The following VPS13B variants were observed in gnomAD, a reference collection of about 807,000 sequenced individuals.
The protein encoded by VPS13B is vacuolar protein sorting 13 homolog B.
Under a neutral mutation model 426.4 loss-of-function variants are expected in VPS13B, and 285 were observed. The observed-to-expected ratio is 0.67, with a 90% CI of 0.61 to 0.74. The LOEUF is 0.74. Among genes scored for constraint, VPS13B ranks in the 30% least tolerant of loss-of-function variants. The probability of loss-of-function intolerance (pLI) is 0.00; values close to 1 mark genes in which losing one functional copy is unlikely to be tolerated. For missense variants in VPS13B, 4,537 were observed against 4,782.6 expected, an observed-to-expected ratio of 0.95 and a Z score of 1.51; for synonymous variants, 1,676 against 1,676.4, an observed-to-expected ratio of 1.00 and a Z score of 0.01.
chr8:99,384,337 T>G lies in VPS13B; in HGVS notation c.2934+20T>G. On this transcript the variant is annotated intron_variant, in intron 20 of 61. Coordinates refer to ENST00000357162, the MANE Select transcript of VPS13B (RefSeq NM_152564.5). Reference sequence around the variant, plus strand: ...CAACAGGTAAGAGATTTTTAAATAATTTTTTCTGTTAACAAATATTTTTCT... The same window carrying G: ...CAACAGGTAAGAGATTTTTAAATAAGTTTTTCTGTTAACAAATATTTTTCT... The G allele has an allele frequency of 6.3e-7, 1 of 1,583,950 alleles. No individual in the cohort carries two copies. The highest frequency in any genetic ancestry group is 8.7e-7 in the Non-Finnish European group (1 of 1,153,676).
chr8:99,089,272 A>G (rs747437788), intron 3 of VPS13B, among the ~76,000 whole-genome samples: 5 of 152,112 alleles, frequency 3.3e-5, no homozygotes, highest in East Asian at 1.9e-4. Flanking sequence ...AAGTGTTACA[A>G]TGTTTTTTCT....
intron 19 of VPS13B, among the ~76,000 whole-genome samples, chr8:99,326,698 C>T (rs887342753): frequency 6.6e-6 from 1 of 151,716 alleles, no homozygotes; most frequent in African/African-American, 2.4e-5. Flanking sequence ...CATGCCCAGC[C>T]ATCCCTGCAT....
chr8:99,420,479 C>A (rs1043786452), intron 21 of VPS13B, among the ~76,000 whole-genome samples: 1 of 152,096 alleles, frequency 6.6e-6, no homozygotes, highest in African/African-American at 2.4e-5. Flanking sequence ...AATATAGATG[C>A]AAAACAGTAA....
rs761289076 is a variant in VPS13B at position 99,163,531 on chromosome 8, C to T, written c.2209-6508C>T. On this transcript the variant is annotated intron_variant, in intron 15 of 61. Coordinates refer to ENST00000357162, the MANE Select transcript of VPS13B (RefSeq NM_152564.5). ...CTCAGGCATGGCAGGCTGCAGGTCC[C>T]GAGCCCTGCCCCGTGGGAAGGCAGC... Among the ~76,000 whole-genome samples the T allele has an allele frequency of 3.9e-5, 6 of 152,224 alleles. No individual in the cohort carries two copies. In the East Asian group the frequency reaches 7.7e-4, roughly 20 times the overall value.
intron 3 of VPS13B, among the ~76,000 whole-genome samples, chr8:99,085,522 G>A (rs149684766): frequency 1.3e-3 from 202 of 152,212 alleles, no homozygotes; most frequent in African/African-American, 4.6e-3. Flanking sequence ...TATTTTGTTA[G>A]TTGATGGATT....
intron 35 of VPS13B, among the ~76,000 whole-genome samples, chr8:99,695,604 C>T (rs909563362): frequency 2.2e-5 from 3 of 138,538 alleles, no homozygotes; most frequent in Admixed American, 7.3e-5. Context: ...TGCTAGATGA[C>T]GAGTTAGTGG....
intron 16 of VPS13B, among the ~76,000 whole-genome samples, chr8:99,176,139 T>G (rs1398146760): frequency 6.6e-6 from 1 of 150,894 alleles, no homozygotes. Flanking sequence ...ACTATAAACT[T>G]TTGTTTTTTT....
At chr8:99,350,036 T>G (rs1811791287) in intron 19 of VPS13B, among the ~76,000 whole-genome samples, 1 of 152,168 alleles carries the variant, frequency 6.6e-6, no homozygotes, top group South Asian at 2.1e-4. Flanking sequence ...GATTATACAG[T>G]CAGAGGTTCT....
intron 3 of VPS13B, among the ~76,000 whole-genome samples, chr8:99,071,252 T>C (rs1360682096): frequency 1.3e-5 from 2 of 152,160 alleles, no homozygotes; most frequent in African/African-American, 4.8e-5. Flanking sequence ...TTTCCAAGTG[T>C]CTAAAGGGAA....
At chr8:99,606,093 C>T (rs564200842) in intron 33 of VPS13B, among the ~76,000 whole-genome samples, 15 of 151,854 alleles carry the variant, frequency 9.9e-5, no homozygotes, top group Admixed American at 6.6e-5. Flanking sequence ...TCGGTAGATA[C>T]GGGGTTTTGC....
chr8:99,262,300 G>T (rs1188922676), intron 17 of VPS13B, among the ~76,000 whole-genome samples: 1 of 151,936 alleles, frequency 6.6e-6, no homozygotes, highest in Non-Finnish European at 1.5e-5. Flanking sequence ...CCCTAGAATG[G>T]GTCACTACAT....
chr8:99,824,746 G>T (rs1181224827), intron 51 of VPS13B, among the ~76,000 whole-genome samples: 2 of 151,868 alleles, frequency 1.3e-5, no homozygotes, highest in Admixed American at 1.3e-4. Flanking sequence ...CCTGCGACAG[G>T]CCCTGGTGTG....
chr8:99,538,618 GTC>G (rs1158604369), intron 30 of VPS13B, among the ~76,000 whole-genome samples: 3 of 152,064 alleles, frequency 2.0e-5, no homozygotes, highest in African/African-American at 7.2e-5. Context: ...TTTGCCTTCT[GTC>G]TCTTTCAATG....
At chr8:99,371,807 C>T (rs776691245) in intron 19 of VPS13B, among the ~76,000 whole-genome samples, 16 of 152,158 alleles carry the variant, frequency 1.1e-4, no homozygotes, top group Admixed American at 3.9e-4. Flanking sequence ...AGTTGTATTC[C>T]TAGCCATATG....
At chr8:99,741,224 AG>A (rs1809706918) in intron 39 of VPS13B, among the ~76,000 whole-genome samples, 1 of 152,220 alleles carries the variant, frequency 6.6e-6, no homozygotes, top group African/African-American at 2.4e-5. Flanking sequence ...AAGGACACAA[AG>A]AAGGCCATTA....
chr8:99,593,747 G>T (rs551902922), intron 33 of VPS13B, among the ~76,000 whole-genome samples: 4 of 152,238 alleles, frequency 2.6e-5, no homozygotes, highest in African/African-American at 9.6e-5. Flanking sequence ...ACAAGATCGT[G>T]TACTGTGCAG....
At chr8:99,429,142 A>C (rs192911669) in intron 21 of VPS13B, among the ~76,000 whole-genome samples, 2,289 of 152,150 alleles carry the variant, frequency 0.015, 67 homozygotes, top group African/African-American at 0.05. Flanking sequence ...GGGTGTGGGG[A>C]GTGGGGAGGG....
chr8:99,806,308 A>G (rs1034135643), intron 43 of VPS13B, among the ~76,000 whole-genome samples: 2 of 152,126 alleles, frequency 1.3e-5, no homozygotes, highest in African/African-American at 2.4e-5. Flanking sequence ...CATGTGTACT[A>G]CTTTGCACAT....
At chr8:99,237,463 T>A (rs1816704626) in intron 17 of VPS13B, among the ~76,000 whole-genome samples, 1 of 151,986 alleles carries the variant, frequency 6.6e-6, no homozygotes, top group Non-Finnish European at 1.5e-5. Context: ...GCAACCAGGC[T>A]AATGTAAAGT....
Sources: gnomAD v4.1 joint callset for allele counts (sites outside exome capture counted in the v4.1 genomes callset) on GRCh38, gnomAD v4.1.1 for gene constraint, MANE v1.5 for transcripts, NCBI Gene and HGNC (gene_info 2026-07-23, HGNC 2026-07-21) for gene names.